TRIM62: variants seen among roughly 807,000 people sequenced by gnomAD.
The protein encoded by TRIM62 is tripartite motif containing 62, also known as E3 ubiquitin-protein ligase TRIM62.
A neutral mutation model predicts 44.2 loss-of-function variants in TRIM62; 39 were observed. The observed-to-expected ratio is 0.88, with a 90% CI of 0.68 to 1.15. The LOEUF is 1.15. TRIM62 is among the 50% of genes most tolerant of loss of function. The pLI is 0.00. For missense variants in TRIM62, 544 were observed against 665.5 expected (o/e 0.82, Z 2.01); for synonymous variants, 278 against 292.3 (o/e 0.95, Z 0.50).
At chr1:33,176,876 A>G (rs1183779564) in intron 1 of TRIM62, among the ~76,000 whole-genome samples, 1 of 152,250 alleles carries the variant, frequency 6.6e-6, no homozygotes, top group Non-Finnish European at 1.5e-5. Context: ...AGGTAATGCA[A>G]GAAAAGCCCT....
In TRIM62 at chr1:33,146,952, A is replaced by T. The variant is rs993533979; in HGVS notation, c.*225T>A. 1 of 578,564 alleles carries T rather than the reference A, an allele frequency of 1.7e-6. No homozygotes were observed. The highest frequency in any genetic ancestry group is 3.1e-6 in the Non-Finnish European group (1 of 326,324). The allele number at this position is 578,564 out of a possible 1,614,324, so 35.8% of individuals were successfully genotyped here. Reference sequence around the variant, plus strand: ...AAGCCATGTCACATCCTTGGATCAAAGCTGTATCCCTATCAAGGTCAGAGC... The same window carrying T: ...AAGCCATGTCACATCCTTGGATCAATGCTGTATCCCTATCAAGGTCAGAGC... On this transcript the variant is annotated 3_prime_UTR_variant, in exon 5 of 5. Transcript: ENST00000291416.
At chr1:33,178,709 G>A (rs893430619) in intron 1 of TRIM62, among the ~76,000 whole-genome samples, 2 of 152,258 alleles carry the variant, frequency 1.3e-5, no homozygotes, top group Admixed American at 6.5e-5. Context: ...GGTGCACACA[G>A]TGCCCACAGC....
intron 4 of TRIM62, among the ~76,000 whole-genome samples, chr1:33,148,034 T>G (rs1353929565): frequency 6.6e-6 from 1 of 152,110 alleles, no homozygotes. Context: ...TTAACCAGAA[T>G]GAGGCCTAGA....
At chr1:33,173,725 G>A (rs1042898858) in intron 1 of TRIM62, among the ~76,000 whole-genome samples, 1 of 151,226 alleles carries the variant, frequency 6.6e-6, no homozygotes, top group Non-Finnish European at 1.5e-5. Flanking sequence ...TAGAGACAAG[G>A]GCTCACTCTA....
At chr1:33,180,612 C>T (rs996163363) in intron 1 of TRIM62, among the ~76,000 whole-genome samples, 7 of 152,210 alleles carry the variant, frequency 4.6e-5, no homozygotes, top group South Asian at 2.1e-4. Context: ...GACCCATCCT[C>T]GCGACCTCGC....
At position 33,181,901 on chromosome 1, in the gene TRIM62, A is replaced by T. The variant is rs1348011693; in HGVS notation, c.-469T>A. The T allele has an allele frequency of 5.9e-6, 1 of 170,882 alleles. No individual in the cohort carries two copies. Among genetic ancestry groups the T allele is most frequent in the Non-Finnish European group, 1.3e-5 (1 of 79,904 alleles). 10.6% of individuals were successfully genotyped at this position (170,882 alleles called of 1,614,324 possible). On this transcript the variant is annotated 5_prime_UTR_variant, in exon 1 of 5. Coordinates refer to ENST00000291416, the MANE Select transcript of TRIM62 (RefSeq NM_018207.3). The surrounding 1 kb of genome is among the most constrained non-coding windows in gnomAD (Gnocchi z 6.5). ...GGAGGGGGCAGCCAGGCCGAGCCGT[A>T]CATTGGCTGTGACCGGCAGAGAAGA...
intron 1 of TRIM62, 43 bp downstream of exon 1, chr1:33,180,982 C>T: frequency 8.5e-6 from 9 of 1,060,506 alleles, no homozygotes; most frequent in Non-Finnish European, 9.2e-6. Context: ...GCCCCACCTC[C>T]AGCCCGGCCC....
chr1:33,181,462 G>C lies in TRIM62; in HGVS notation c.-30C>G, dbSNP rs750399153. 6.4e-6 allele frequency: 10 copies of C among 1,560,544 alleles called. No homozygotes were observed. Among genetic ancestry groups the C allele is most frequent in the African/African-American group, 1.4e-5 (1 of 73,048 alleles). On this transcript the variant is annotated 5_prime_UTR_variant, in exon 1 of 5. Coordinates refer to ENST00000291416, the MANE Select transcript of TRIM62 (RefSeq NM_018207.3). The surrounding 1 kb of genome is among the most constrained non-coding windows in gnomAD (Gnocchi z 6.5). ...CCAGGGGCAGCAGAGAGGGGGGCCC[G>C]AGGGGCAGGGGGGCGGCTGAGAGAG...
At chr1:33,174,837 G>C (rs752584195) in intron 1 of TRIM62, among the ~76,000 whole-genome samples, 13 of 151,230 alleles carry the variant, frequency 8.6e-5, no homozygotes, top group Non-Finnish European at 1.8e-4. Context: ...TCTCTCCTGG[G>C]CCCAACACAG....
At chr1:33,155,944 T>C (rs2124724052) in intron 4 of TRIM62, among the ~76,000 whole-genome samples, 1 of 152,358 alleles carries the variant, frequency 6.6e-6, no homozygotes, top group Non-Finnish European at 1.5e-5. Context: ...TCTCCGCTGA[T>C]GATCTTGCTT....
At position 33,161,127 on chromosome 1, in the gene TRIM62, A is replaced by T. The variant is rs1215082122; in HGVS notation, c.505-1183T>A. 1.3e-5 allele frequency among the ~76,000 whole-genome samples: 2 copies of T among 152,238 alleles called. No individual in the cohort carries two copies. On this transcript the variant is annotated intron_variant, in intron 2 of 4. Transcript: ENST00000291416. The surrounding 1 kb of genome is among the most constrained non-coding windows in gnomAD (Gnocchi z 4.3). ...GCATTGTAGGATTGTGGTGAAGATGAAATGAGGGGGTGTTGTTGTGCGCAC... is the reference window on the plus strand; with the variant it reads ...GCATTGTAGGATTGTGGTGAAGATGTAATGAGGGGGTGTTGTTGTGCGCAC...
In TRIM62 at chr1:33,177,187, C is replaced by T. The variant is rs16835286; in HGVS notation, c.408+3838G>A. On this transcript the variant is annotated intron_variant, in intron 1 of 4. Transcript: ENST00000291416. This position sits in a 1 kb window ranked among gnomAD's most constrained non-coding sequence, Gnocchi z 4.1. ...AAAAATCCTTAGAACTGTATAGTAA[C>T]TCCTGCCATGTTTCATGGGGTATTA... Among the ~76,000 whole-genome samples the T allele has an allele frequency of 0.054, 8,208 of 152,242 alleles. 424 individuals carry two copies. The highest frequency in any genetic ancestry group is 0.13 in the African/African-American group (5,371 of 41,508).
chr1:33,158,109 G>C, intron 4 of TRIM62, 144 bp downstream of exon 4: 1 of 661,172 alleles, frequency 1.5e-6, no homozygotes, highest in South Asian at 1.8e-5. Flanking sequence ...CAGGTGCCCA[G>C]GACAGGTCCT....
At chr1:33,154,713 G>A (rs1368574161) in intron 4 of TRIM62, among the ~76,000 whole-genome samples, 2 of 151,342 alleles carry the variant, frequency 1.3e-5, no homozygotes, top group East Asian at 2.0e-4. Flanking sequence ...CAGGAAAATC[G>A]CCTGAACCCA....
intron 1 of TRIM62, among the ~76,000 whole-genome samples, chr1:33,180,377 G>A (rs149503181): frequency 1.1e-4 from 16 of 152,206 alleles, no homozygotes; most frequent in Non-Finnish European, 1.8e-4. Flanking sequence ...ATCCGGACCT[G>A]ATCTCAGTCT....
intron 2 of TRIM62, chr1:33,164,126 G>A (rs1056443415): frequency 6.6e-6 from 1 of 152,292 alleles, no homozygotes; most frequent in African/African-American, 2.4e-5. Context: ...AAGAAGCAAT[G>A]AGGCCAGCAT....
intron 1 of TRIM62, among the ~76,000 whole-genome samples, chr1:33,175,655 C>T (rs2927970): frequency 0.46 from 70,450 of 152,072 alleles, 19,472 homozygotes; most frequent in Non-Finnish European, 0.6. Flanking sequence ...TCAGCTCTTC[C>T]TCCTACTTGC....
intron 1 of TRIM62, 72 bp downstream of exon 1, chr1:33,180,953 T>TGGGGGGGGGGGGGGG: frequency 2.8e-6 from 2 of 724,330 alleles, no homozygotes; most frequent in Non-Finnish European, 3.9e-6. Context: ...GGTCCAGCCC[T>TGGGGGGGGGGGGGGG]GACCCCACCC....
At chr1:33,175,831 T>C in intron 1 of TRIM62, among the ~76,000 whole-genome samples, 1 of 152,216 alleles carries the variant, frequency 6.6e-6, no homozygotes, top group East Asian at 1.9e-4. Flanking sequence ...CATAACTTAC[T>C]TTGTGCCTCC....
Sources: allele counts gnomAD v4.1 joint callset (sites outside exome capture counted in the v4.1 genomes callset), GRCh38; gene constraint gnomAD v4.1.1; non-coding constraint Gnocchi (gnomAD v3.1); transcripts MANE v1.5; gene names NCBI Gene and HGNC (gene_info 2026-07-23, HGNC 2026-07-21).